SLC44A5: variants seen among roughly 807,000 people sequenced by gnomAD.
The protein encoded by SLC44A5 is choline transporter-like protein 5.
In SLC44A5, 57 loss-of-function variants were observed where a neutral mutation model predicts 101.8. That is an observed-to-expected ratio of 0.56 (90% confidence interval 0.45 to 0.70). The LOEUF is 0.70. SLC44A5 is among the 30% of genes least tolerant of loss of function. The pLI, the probability that SLC44A5 is intolerant of heterozygous loss-of-function variation, is 0.00. For missense variants in SLC44A5, 737 were observed against 853.1 expected, an observed-to-expected ratio of 0.86 and a Z score of 1.70; for synonymous variants, 281 against 290.9, an observed-to-expected ratio of 0.97 and a Z score of 0.35.
In SLC44A5 at chr1:75,219,329, C is replaced by T. The variant is rs369947365; in HGVS notation, c.1194G>A (p.Ser398=). 6 of 1,611,998 alleles carry T rather than the reference C, an allele frequency of 3.7e-6. No homozygotes were observed. Among genetic ancestry groups the T allele is most frequent in the African/African-American group, 1.3e-5 (1 of 74,830 alleles). Residue 398 remains serine (S), a synonymous_variant, in exon 16 of 24, where the codon TCG becomes TCA. Transcript: ENST00000370859. ...CTATGACTTTGTATACAGGTACCCC[C>T]GATGTCGCCAAGAAACTGAATAAAC... is the stretch of plus-strand genomic sequence containing the variant. The part of the protein sequence containing the change: ...WVVTAVFLAT[S]GVPVYKVIAP...
chr1:75,454,463 G>A (rs1030083907), intron 2 of SLC44A5, among the ~76,000 whole-genome samples: 1 of 151,954 alleles, frequency 6.6e-6, no homozygotes, highest in Non-Finnish European at 1.5e-5. Flanking sequence ...GCAAAAGCTG[G>A]AAACATTCCC....
At chr1:75,318,495 T>G (rs1655887971) in intron 4 of SLC44A5, among the ~76,000 whole-genome samples, 1 of 152,232 alleles carries the variant, frequency 6.6e-6, no homozygotes, top group Non-Finnish European at 1.5e-5. Context: ...TGTTAGTATA[T>G]TTTTAATTTT....
the SLC44A5 span, among the ~76,000 whole-genome samples, chr1:75,632,989 C>G: frequency 7.2e-5 from 11 of 152,064 alleles, no homozygotes; most frequent in Admixed American, 7.2e-4. Context: ...ATACCAATGA[C>G]AAATATTTCT....
intron 6 of SLC44A5, among the ~76,000 whole-genome samples, chr1:75,268,040 T>C (rs1025731703): frequency 6.6e-6 from 1 of 152,238 alleles, no homozygotes; most frequent in South Asian, 2.1e-4. Context: ...TCTGCACTTA[T>C]AAATAATCCA....
intron 2 of SLC44A5, among the ~76,000 whole-genome samples, chr1:75,417,228 G>T (rs1299135324): frequency 6.6e-6 from 1 of 152,096 alleles, no homozygotes; most frequent in Non-Finnish European, 1.5e-5. Flanking sequence ...TAGTAAATGG[G>T]ACTCACGAGA....
chr1:75,211,580 C>T, intron 22 of SLC44A5, 28 bp from the exon 23 acceptor site: 1 of 1,485,062 alleles, frequency 6.7e-7, no homozygotes. Context: ...AGAGAACCAA[C>T]ATGTCATTTA....
intron 2 of SLC44A5, among the ~76,000 whole-genome samples, chr1:75,449,768 C>T (rs191432581): frequency 4.6e-5 from 7 of 152,062 alleles, no homozygotes; most frequent in East Asian, 1.9e-4. Context: ...TTTGGGAGGC[C>T]GAGAAGGGCG....
chr1:75,396,590 C>T lies in SLC44A5; in HGVS notation c.45G>A (p.Glu15=), dbSNP rs983380683. ...EKPADTPSEE[E]DFGDPRTYDP... is the part of the protein sequence containing the mutation. The stretch of plus-strand genomic sequence containing the variant: ...ACTCAGACTATGACTTACCAAAGTC[C>T]TCTTCCTCAGAGGGAGTATCTGCTG... The change falls in exon 3 of 24, where the codon GAG becomes GAA. Residue 15 remains glutamate (E), a synonymous_variant. Coordinates refer to ENST00000370859, the MANE Select transcript of SLC44A5 (RefSeq NM_001130058.2). The T allele has an allele frequency of 2.5e-6, 4 of 1,612,470 alleles. No homozygotes were observed. Among genetic ancestry groups the T allele is most frequent in the Non-Finnish European group, 2.5e-6 (3 of 1,179,046 alleles).
chr1:75,301,804 A>T (rs1472191409), intron 4 of SLC44A5, among the ~76,000 whole-genome samples: 3 of 152,214 alleles, frequency 2.0e-5, no homozygotes, highest in Non-Finnish European at 2.9e-5. Context: ...AGAGGTTCTT[A>T]AAGAAGGGGG....
chr1:75,220,954 C>G (rs539551839), intron 14 of SLC44A5, among the ~76,000 whole-genome samples: 1 of 152,134 alleles, frequency 6.6e-6, no homozygotes, highest in South Asian at 2.1e-4. Context: ...GAGCAAACTA[C>G]CAACATGTTT....
chr1:75,204,292 A>G (rs574306138), intron 23 of SLC44A5, among the ~76,000 whole-genome samples: 3 of 152,280 alleles, frequency 2.0e-5, no homozygotes, highest in African/African-American at 7.2e-5. Flanking sequence ...GGTTTTTCAC[A>G]GTTTTTAGTT....
intron 2 of SLC44A5, among the ~76,000 whole-genome samples, chr1:75,520,441 C>A (rs1441351621): frequency 6.6e-6 from 1 of 152,174 alleles, no homozygotes; most frequent in East Asian, 1.9e-4. Context: ...GACAATTATG[C>A]ATGCTAATAA....
chr1:75,666,169 TCA>T, the SLC44A5 span, among the ~76,000 whole-genome samples: 2 of 152,216 alleles, frequency 1.3e-5, no homozygotes, highest in South Asian at 2.1e-4. Context: ...ACACATGCAC[TCA>T]CATGTTCATT....
chr1:75,497,424 T>A (rs986011404), intron 2 of SLC44A5, among the ~76,000 whole-genome samples: 11 of 152,126 alleles, frequency 7.2e-5, no homozygotes, highest in Non-Finnish European at 2.9e-5. Context: ...ATTTGTGGAA[T>A]CTAAAAAAGT....
chr1:75,429,103 T>A (rs558188406), intron 2 of SLC44A5, among the ~76,000 whole-genome samples: 1 of 152,292 alleles, frequency 6.6e-6, no homozygotes, highest in African/African-American at 2.4e-5. Context: ...ATGGAACTGG[T>A]GCTTGGCAAC....
chr1:75,414,942 A>G (rs955739071), intron 2 of SLC44A5, among the ~76,000 whole-genome samples: 3 of 152,210 alleles, frequency 2.0e-5, no homozygotes, highest in African/African-American at 7.2e-5. Flanking sequence ...AAGAGTTCTA[A>G]GCATGAAAAA....
At chr1:75,678,178 C>A in the SLC44A5 span, among the ~76,000 whole-genome samples, 1 of 152,110 alleles carries the variant, frequency 6.6e-6, no homozygotes, top group South Asian at 2.1e-4. Context: ...TGAAGCGAGG[C>A]TGGGGGAGGG....
the SLC44A5 span, among the ~76,000 whole-genome samples, chr1:75,722,531 C>T: frequency 2.0e-5 from 3 of 152,142 alleles, no homozygotes; most frequent in African/African-American, 7.2e-5. Context: ...ACAAATGTTT[C>T]TTATGATTAG....
chr1:75,298,201 T>A (rs1654122326), intron 5 of SLC44A5, among the ~76,000 whole-genome samples: 1 of 152,186 alleles, frequency 6.6e-6, no homozygotes, highest in African/African-American at 2.4e-5. Context: ...TTTCCCCTCA[T>A]GCTTCTTTTA....
Sources: gnomAD v4.1 joint callset for allele counts (sites outside exome capture counted in the v4.1 genomes callset) on GRCh38, gnomAD v4.1.1 for gene constraint, MANE v1.5 for transcripts, NCBI Gene and HGNC (gene_info 2026-07-23, HGNC 2026-07-21) for gene names.